COL6A5: variants seen among roughly 807,000 people sequenced by gnomAD.
COL6A5 encodes the protein collagen alpha-5(VI) chain.
COL6A5 carries 48 observed loss-of-function variants against 65.6 expected under a neutral mutation model. That is an observed-to-expected ratio of 0.73 (90% CI 0.58 to 0.93). The LOEUF (loss-of-function observed/expected upper bound fraction) is 0.93, where lower values mean the gene tolerates loss of function less well. Ranked by LOEUF, COL6A5 falls within the 40% of genes least tolerant of loss-of-function variation. COL6A5 has a pLI of 0.00. For missense variants in COL6A5, 914 were observed against 928.3 expected, an observed-to-expected ratio of 0.98 and a Z score of 0.20; for synonymous variants, 291 against 322.8, an observed-to-expected ratio of 0.90 and a Z score of 1.05.
At chr3:130,362,306 ATATATATATATATATATATATTTTTTTTT>A (rs1935149474) in intron 1 of COL6A5, among the ~76,000 whole-genome samples, 1 of 19,574 alleles carries the variant, frequency 5.1e-5, no homozygotes, top group South Asian at 9.8e-4. Context: ...ATATATATAT[ATATATATATATATATATATATTTTTTTTT>A]TTTTTTTTTT....
chr3:130,350,472 C>T (rs538771657), intron 1 of COL6A5, among the ~76,000 whole-genome samples: 24 of 152,298 alleles, frequency 1.6e-4, no homozygotes, highest in Admixed American at 5.9e-4. Flanking sequence ...TCTCAGGATA[C>T]AAAATCAATG....
chr3:130,360,219 T>C (rs1272898495), intron 1 of COL6A5, among the ~76,000 whole-genome samples: 1 of 152,134 alleles, frequency 6.6e-6, no homozygotes, highest in Non-Finnish European at 1.5e-5. Flanking sequence ...ATAAATGTAA[T>C]GCAGTGGCTT....
In COL6A5 at chr3:130,394,584, ATAATCACCTTT is replaced by A. The variant is rs1277867634; in HGVS notation, c.2993-301_2993-291del. On this transcript the variant is annotated intron_variant and NMD_transcript_variant, in intron 7 of 41. Coordinates refer to the COL6A5 transcript ENST00000312481. The stretch of plus-strand genomic sequence containing the variant: ...TGTTTTGAAGGGACGTCTACCCTTT[ATAATCACCTTT>A]TAATGAGTACGTGAAATTTATTCAA... 3.9e-5 allele frequency among the ~76,000 whole-genome samples: 6 copies of A among 152,310 alleles called. No homozygotes were observed. The East Asian group carries it at 9.7e-4, about 25-fold the overall frequency.
intron 5 of COL6A5, among the ~76,000 whole-genome samples, chr3:130,464,868 A>G (rs1323230718): frequency 1.3e-5 from 2 of 152,110 alleles, no homozygotes; most frequent in Non-Finnish European, 2.9e-5. Flanking sequence ...TAAAGGAAGA[A>G]TGTGGTGTAT....
chr3:130,362,803 C>G (rs1006135757), intron 1 of COL6A5, among the ~76,000 whole-genome samples: 2 of 152,134 alleles, frequency 1.3e-5, no homozygotes, highest in African/African-American at 4.8e-5. Context: ...GATAACTTCC[C>G]TGGCTCTGAA....
intron 7 of COL6A5, among the ~76,000 whole-genome samples, chr3:130,473,600 A>G (rs929835203): frequency 1.3e-5 from 2 of 152,134 alleles, no homozygotes; most frequent in Non-Finnish European, 1.5e-5. Flanking sequence ...AGGCTATATG[A>G]GTACAGAGCA....
exon 3 of COL6A5, chr3:130,376,298 T>A: frequency 6.2e-7 from 1 of 1,613,470 alleles, no homozygotes; most frequent in South Asian, 1.1e-5. Context: ...ACCTGGGACC[T>A]AAGTCATTCC....
At chr3:130,376,777 C>G in exon 3 of COL6A5, 1 of 1,613,592 alleles carries the variant, frequency 6.2e-7, no homozygotes, top group South Asian at 1.1e-5. Flanking sequence ...CAAAACATGA[C>G]ACAGATCATC....
chr3:130,394,743 G>A (rs963967041), intron 7 of COL6A5, 147 bp from the exon 8 acceptor site: 33 of 601,026 alleles, frequency 5.5e-5, no homozygotes, highest in Non-Finnish European at 9.3e-5. Flanking sequence ...TCTTTTTGAG[G>A]ATCAGTGATT....
At position 130,391,189 on chromosome 3, in the gene COL6A5, G is replaced by A. The variant is rs762148713; in HGVS notation, c.2427G>A (p.Arg809=). ...TTCATCTTCTTTCAGATTGTAAAAGGATTACACTACTAGACGTTGTGTTTG... is the reference window on the plus strand; with the variant it reads ...TTCATCTTCTTTCAGATTGTAAAAGAATTACACTACTAGACGTTGTGTTTG... The change falls in exon 7 of 42, where the codon AGG becomes AGA. Residue 809 remains arginine (R), a synonymous_variant and NMD_transcript_variant. Transcript: ENST00000312481. The A allele has an allele frequency of 3.9e-6, 6 of 1,548,370 alleles. No homozygotes were observed. In the South Asian group the frequency reaches 7.2e-5, roughly 18 times the overall value.
At chr3:130,430,755 A>T (rs1233206891), upstream of COL6A5, among the ~76,000 whole-genome samples, 2 of 152,184 alleles carry the variant, frequency 1.3e-5, no homozygotes, top group African/African-American at 4.8e-5. Flanking sequence ...AGCCCCTGAG[A>T]TAGCCCCTTT....
chr3:130,466,635 G>A (rs1176354133), intron 5 of COL6A5, among the ~76,000 whole-genome samples: 6 of 151,690 alleles, frequency 4.0e-5, no homozygotes, highest in African/African-American at 1.2e-4. Flanking sequence ...GGAATTCAGT[G>A]AAATTGAAAA....
At chr3:130,380,247 G>A (rs576516388) in intron 4 of COL6A5, among the ~76,000 whole-genome samples, 197 bp downstream of exon 4, 2 of 151,920 alleles carry the variant, frequency 1.3e-5, no homozygotes, top group African/African-American at 2.4e-5. Context: ...ACTTACAAGA[G>A]GTCAATTTTA....
intron 1 of COL6A5, among the ~76,000 whole-genome samples, chr3:130,361,362 C>T (rs1256716494): frequency 6.6e-6 from 1 of 152,006 alleles, no homozygotes; most frequent in Non-Finnish European, 1.5e-5. Context: ...AGATTGGCTT[C>T]TTTCATTTAT....
At chr3:130,352,649 C>A (rs981716439) in intron 1 of COL6A5, among the ~76,000 whole-genome samples, 2 of 152,108 alleles carry the variant, frequency 1.3e-5, no homozygotes, top group Non-Finnish European at 2.9e-5. Flanking sequence ...TAGTACAGAG[C>A]TACTGTAAAC....
chr3:130,467,479 G>A (rs919507094), intron 5 of COL6A5, among the ~76,000 whole-genome samples: 6 of 151,298 alleles, frequency 4.0e-5, no homozygotes, highest in African/African-American at 9.8e-5. Context: ...AAAACTAGAC[G>A]AAGACATTAC....
intron 1 of COL6A5, among the ~76,000 whole-genome samples, chr3:130,363,754 C>T (rs1206836074): frequency 5.9e-5 from 9 of 152,172 alleles, no homozygotes; most frequent in Middle Eastern, 3.2e-3. Context: ...GCCACTTTAA[C>T]ACTTGCTTTT....
chr3:130,364,035 A>G (rs1935238891), intron 1 of COL6A5, among the ~76,000 whole-genome samples: 2 of 152,154 alleles, frequency 1.3e-5, no homozygotes, highest in African/African-American at 2.4e-5. Flanking sequence ...CTTACTTCCA[A>G]GCTACCACAC....
At chr3:130,475,007 CAAAAAA>C (rs57263258) in intron 7 of COL6A5, among the ~76,000 whole-genome samples, 55 of 65,050 alleles carry the variant, frequency 8.5e-4, no homozygotes, top group Non-Finnish European at 8.4e-4. Flanking sequence ...ACCATGTCTC[CAAAAAA>C]AAAAAAAAAA....
Sources: allele counts gnomAD v4.1 joint callset (sites outside exome capture counted in the v4.1 genomes callset), GRCh38; gene constraint gnomAD v4.1.1; transcripts MANE v1.5; gene names NCBI Gene and HGNC (gene_info 2026-07-23, HGNC 2026-07-21).